Variants in CNTNAP2 observed in about 807,000 individuals in gnomAD.
CNTNAP2 encodes the protein contactin-associated protein-like 2.
CNTNAP2 carries 98 observed loss-of-function variants against 155.2 expected under a neutral mutation model. The ratio of observed to expected loss-of-function variants is 0.63; its 90% CI spans 0.54 to 0.75. CNTNAP2 has a LOEUF of 0.75. CNTNAP2 is among the 30% of genes least tolerant of loss of function. CNTNAP2 has a pLI of 0.00. For missense variants in CNTNAP2, 1,727 were observed against 1,688.1 expected, an observed-to-expected ratio of 1.02 and a Z score of -0.40; for synonymous variants, 651 against 631.2, an observed-to-expected ratio of 1.03 and a Z score of -0.47.
intron 21 of CNTNAP2, among the ~76,000 whole-genome samples, chr7:148,368,130 C>T (rs1471277164): frequency 3.3e-5 from 5 of 152,212 alleles, no homozygotes; most frequent in Non-Finnish European, 1.5e-5. Context: ...ACTGCAGCTT[C>T]AGTGCCTGGC....
At chr7:147,365,113 A>G (rs1796205861) in intron 9 of CNTNAP2, among the ~76,000 whole-genome samples, 1 of 152,080 alleles carries the variant, frequency 6.6e-6, no homozygotes, top group African/African-American at 2.4e-5. Flanking sequence ...TTTAAAACTT[A>G]TATGAATAGG....
rs530467258 is a variant in CNTNAP2 at position 147,678,960 on chromosome 7, G to A, written c.2098+39654G>A. ...ATAGGGCCACACAATGCTACACATT[G>A]AGCCTCACCATAATTAAATCAAAAT... On this transcript the variant is annotated intron_variant, in intron 13 of 23. Coordinates refer to ENST00000361727, the MANE Select transcript of CNTNAP2 (RefSeq NM_014141.6). Among the ~76,000 whole-genome samples the A allele has an allele frequency of 2.6e-5, 4 of 151,976 alleles. No individual in the cohort carries two copies. The East Asian group carries it at 7.7e-4, about 29-fold the overall frequency.
intron 15 of CNTNAP2, among the ~76,000 whole-genome samples, chr7:148,028,671 T>C (rs1585086005): frequency 6.6e-6 from 1 of 152,208 alleles, no homozygotes; most frequent in African/African-American, 2.4e-5. Flanking sequence ...CTGAGTATTA[T>C]AATGAACACT....
chr7:147,042,946 A>T (rs1054483027), intron 3 of CNTNAP2, among the ~76,000 whole-genome samples: 6 of 152,156 alleles, frequency 3.9e-5, no homozygotes, highest in Non-Finnish European at 8.8e-5. Context: ...CTTGTCTATT[A>T]TAGGGACATT....
At chr7:146,203,043 G>A (rs368424102) in intron 1 of CNTNAP2, among the ~76,000 whole-genome samples, 9 of 152,028 alleles carry the variant, frequency 5.9e-5, no homozygotes, top group Middle Eastern at 3.2e-3. Flanking sequence ...CTTTGTTTTC[G>A]TCTCTATAAA....
At chr7:147,927,229 A>G (rs1182322918) in intron 14 of CNTNAP2, among the ~76,000 whole-genome samples, 1 of 152,170 alleles carries the variant, frequency 6.6e-6, no homozygotes, top group Non-Finnish European at 1.5e-5. Flanking sequence ...TGTTCCCCCA[A>G]ACTATCATAA....
intron 13 of CNTNAP2, among the ~76,000 whole-genome samples, chr7:147,795,032 G>T (rs151252540): frequency 3.0e-4 from 46 of 151,624 alleles, no homozygotes; most frequent in African/African-American, 1.1e-3. Flanking sequence ...TCTTTTCAAA[G>T]AATTAGTTTT....
intron 1 of CNTNAP2, among the ~76,000 whole-genome samples, chr7:146,614,859 G>A (rs141475129): frequency 6.6e-6 from 1 of 152,106 alleles, no homozygotes; most frequent in East Asian, 1.9e-4. Flanking sequence ...ATTACCGTAT[G>A]GATACAAAAG....
chr7:146,456,547 A>G (rs1796557977), intron 1 of CNTNAP2, among the ~76,000 whole-genome samples: 1 of 152,188 alleles, frequency 6.6e-6, no homozygotes, highest in African/African-American at 2.4e-5. Context: ...GTTACTGAGA[A>G]TAGAAATAAA....
At position 146,947,160 on chromosome 7, in the gene CNTNAP2, T is replaced by C. The variant is rs7797655; in HGVS notation, c.403-96747T>C. ...AGTTCTCTTGCCTCAGCCTCCTGAGTATCTGGGATTACAGGCACCTGCCAT... is the reference window on the plus strand; with the variant it reads ...AGTTCTCTTGCCTCAGCCTCCTGAGCATCTGGGATTACAGGCACCTGCCAT... On this transcript the variant is annotated intron_variant, in intron 3 of 23. Transcript: ENST00000361727. Among the ~76,000 whole-genome samples, 818 of 151,836 alleles carry C rather than the reference T, an allele frequency of 5.4e-3. 8 individuals carry two copies. Among genetic ancestry groups the C allele is most frequent in the African/African-American group, 0.019 (773 of 41,406 alleles).
At position 147,601,433 on chromosome 7, in the gene CNTNAP2, G is replaced by A. The variant is rs181501042; in HGVS notation, c.1898-37673G>A. ...GCTCAGTGGGGGAGCTTTTGAGCCA[G>A]GATGAGCTAGGAGAAGGAATTTCAC... On this transcript the variant is annotated intron_variant, in intron 12 of 23. Coordinates refer to ENST00000361727, the MANE Select transcript of CNTNAP2 (RefSeq NM_014141.6). Among the ~76,000 whole-genome samples, 567 of 152,070 alleles carry A rather than the reference G, an allele frequency of 3.7e-3. 4 individuals carry two copies. The highest frequency in any genetic ancestry group is 0.013 in the African/African-American group (547 of 41,470).
intron 13 of CNTNAP2, among the ~76,000 whole-genome samples, chr7:147,650,093 T>C (rs544590194): frequency 1.3e-5 from 2 of 152,308 alleles, no homozygotes; most frequent in South Asian, 2.1e-4. Context: ...CCAGTTCATA[T>C]ATTTTCCTTA....
chr7:146,472,042 G>A (rs746473939), intron 1 of CNTNAP2, among the ~76,000 whole-genome samples: 1 of 152,100 alleles, frequency 6.6e-6, no homozygotes, highest in Non-Finnish European at 1.5e-5. Flanking sequence ...ATCCTGGTTT[G>A]GAAAAATATT....
intron 9 of CNTNAP2, among the ~76,000 whole-genome samples, chr7:147,375,710 A>G (rs1466625700): frequency 1.3e-5 from 2 of 151,978 alleles, no homozygotes; most frequent in Non-Finnish European, 2.9e-5. Flanking sequence ...GTTTTTCACC[A>G]TTTCCATTTT....
At chr7:146,778,963 G>C (rs55779701) in intron 2 of CNTNAP2, among the ~76,000 whole-genome samples, 4,351 of 152,222 alleles carry the variant, frequency 0.029, 216 homozygotes, top group African/African-American at 0.1. Context: ...ACCTGACATC[G>C]TTTTGGGAAC....
At chr7:147,917,741 G>T (rs1437374142) in intron 14 of CNTNAP2, among the ~76,000 whole-genome samples, 1 of 152,174 alleles carries the variant, frequency 6.6e-6, no homozygotes, top group Non-Finnish European at 1.5e-5. Flanking sequence ...AAGAGCCTCT[G>T]TCGGAAGTGT....
At chr7:147,131,612 A>G (rs990078411) in intron 7 of CNTNAP2, among the ~76,000 whole-genome samples, 1 of 152,124 alleles carries the variant, frequency 6.6e-6, no homozygotes, top group Non-Finnish European at 1.5e-5. Context: ...AGCACAATTC[A>G]TGGGAATTTA....
chr7:148,034,155 G>A (rs985428867), intron 15 of CNTNAP2, among the ~76,000 whole-genome samples: 24 of 152,164 alleles, frequency 1.6e-4, no homozygotes, highest in Admixed American at 1.6e-3. Flanking sequence ...ATATCTATCA[G>A]GTTAACATAG....
intron 1 of CNTNAP2, among the ~76,000 whole-genome samples, chr7:146,499,970 C>A (rs1797276591): frequency 6.6e-6 from 1 of 151,834 alleles, no homozygotes; most frequent in Admixed American, 6.6e-5. Flanking sequence ...TAAATATTTT[C>A]TTTTTTATAT....
Sources: gnomAD v4.1 joint callset for allele counts (sites outside exome capture counted in the v4.1 genomes callset) on GRCh38, gnomAD v4.1.1 for gene constraint, MANE v1.5 for transcripts, NCBI Gene and HGNC (gene_info 2026-07-23, HGNC 2026-07-21) for gene names.